The following CERS6 variants were observed in gnomAD, a reference collection of about 807,000 sequenced individuals.
The protein encoded by CERS6 is LAG1 homolog, ceramide synthase 6.
A neutral mutation model predicts 56.8 loss-of-function variants in CERS6; 26 were observed. The observed-to-expected ratio is 0.46, with a 90% CI of 0.34 to 0.63. The LOEUF (loss-of-function observed/expected upper bound fraction) is 0.63. Among genes scored for constraint, CERS6 ranks in the 30% least tolerant of loss-of-function variants. The probability of loss-of-function intolerance (pLI) is 0.01; values close to 1 mark genes in which losing one functional copy is unlikely to be tolerated. For missense variants in CERS6, 415 were observed against 467.5 expected (o/e 0.89, Z 1.04); for synonymous variants, 164 against 173.3 (o/e 0.95, Z 0.42).
intron 3 of CERS6, among the ~76,000 whole-genome samples, chr2:168,624,987 C>T (rs1684558585): frequency 6.6e-6 from 1 of 152,038 alleles, no homozygotes; most frequent in Non-Finnish European, 1.5e-5. Context: ...TGTATAATTT[C>T]ACTTCATTTG....
chr2:168,522,597 A>G (rs1428645454), intron 1 of CERS6, among the ~76,000 whole-genome samples: 2 of 152,056 alleles, frequency 1.3e-5, no homozygotes, highest in South Asian at 2.1e-4. Context: ...CAGTGGTACA[A>G]TCATGGCTCA....
chr2:168,597,574 A>G (rs1251038406), intron 3 of CERS6, among the ~76,000 whole-genome samples: 3 of 152,136 alleles, frequency 2.0e-5, no homozygotes, highest in East Asian at 1.9e-4. Flanking sequence ...ACTTTTTTCA[A>G]TTCCCAGATA....
At chr2:168,573,986 A>G (rs1216945931) in intron 3 of CERS6, among the ~76,000 whole-genome samples, 2 of 152,174 alleles carry the variant, frequency 1.3e-5, no homozygotes, top group African/African-American at 4.8e-5. Context: ...GTCCAAACAG[A>G]TCTCCAGAAG....
chr2:168,460,127 A>T (rs142308034), intron 1 of CERS6, among the ~76,000 whole-genome samples: 195 of 151,750 alleles, frequency 1.3e-3, no homozygotes, highest in African/African-American at 4.4e-3. Flanking sequence ...ATTCCTGTGG[A>T]TCATCTGTGC....
intron 2 of CERS6, among the ~76,000 whole-genome samples, chr2:168,551,511 C>A (rs186902524): frequency 4.6e-5 from 7 of 152,164 alleles, no homozygotes; most frequent in African/African-American, 1.7e-4. Flanking sequence ...CTTTGAATAA[C>A]CGTCTCACAG....
At chr2:168,671,936 A>G (rs1032367464) in intron 4 of CERS6, among the ~76,000 whole-genome samples, 16 of 152,220 alleles carry the variant, frequency 1.1e-4, no homozygotes, top group African/African-American at 3.9e-4. Flanking sequence ...TTGAAGGTCT[A>G]AAATAGCATT....
At chr2:168,563,899 T>C (rs1442215115) in intron 3 of CERS6, among the ~76,000 whole-genome samples, 2 of 152,172 alleles carry the variant, frequency 1.3e-5, no homozygotes, top group Non-Finnish European at 2.9e-5. Context: ...CACGGGGGGT[T>C]TGCTGGGATT....
At chr2:168,467,770 T>C (rs1270258671) in intron 1 of CERS6, among the ~76,000 whole-genome samples, 2 of 152,236 alleles carry the variant, frequency 1.3e-5, no homozygotes, top group Non-Finnish European at 2.9e-5. Context: ...ATACACGTTG[T>C]GTAGAAAATA....
intron 4 of CERS6, among the ~76,000 whole-genome samples, chr2:168,689,996 C>T (rs183285084): frequency 2.0e-4 from 30 of 152,144 alleles, no homozygotes; most frequent in African/African-American, 5.8e-4. Context: ...TTCACAGACT[C>T]GGGGCCTCCA....
At chr2:168,525,970 T>G (rs1268511744) in intron 1 of CERS6, among the ~76,000 whole-genome samples, 1 of 152,218 alleles carries the variant, frequency 6.6e-6, no homozygotes, top group Non-Finnish European at 1.5e-5. Context: ...TAAATGCTCC[T>G]ATCAAAGAAT....
At chr2:168,761,713 A>G (rs563553163) in intron 8 of CERS6, among the ~76,000 whole-genome samples, 7 of 152,276 alleles carry the variant, frequency 4.6e-5, no homozygotes, top group African/African-American at 1.4e-4. Context: ...CTGGAGATAG[A>G]AAAGTGTAAG....
intron 8 of CERS6, among the ~76,000 whole-genome samples, chr2:168,746,775 G>GTA (rs71003053): frequency 0.044 from 1,680 of 38,594 alleles, 104 homozygotes; most frequent in Non-Finnish European, 0.051. Flanking sequence ...AGGGTAAAGG[G>GTA]TATATATATA....
chr2:168,656,632 C>T (rs1251774027), intron 4 of CERS6, among the ~76,000 whole-genome samples: 6 of 152,082 alleles, frequency 3.9e-5, no homozygotes, highest in East Asian at 3.9e-4. Flanking sequence ...TGCAGATCTT[C>T]GCGGTGAGTG....
chr2:168,621,697 G>C (rs1684474497), intron 3 of CERS6, among the ~76,000 whole-genome samples: 1 of 152,086 alleles, frequency 6.6e-6, no homozygotes, highest in Non-Finnish European at 1.5e-5. Context: ...TCCCAATAAA[G>C]AACAATATGG....
chr2:168,598,533 T>G (rs1683856120), intron 3 of CERS6, among the ~76,000 whole-genome samples: 1 of 152,102 alleles, frequency 6.6e-6, no homozygotes, highest in Admixed American at 6.6e-5. Context: ...GAAATTTAAA[T>G]AGCCTAATGA....
intron 4 of CERS6, among the ~76,000 whole-genome samples, chr2:168,656,816 T>C (rs952869572): frequency 2.0e-5 from 3 of 152,170 alleles, no homozygotes; most frequent in Non-Finnish European, 4.4e-5. Flanking sequence ...TCCTGCTGAT[T>C]GGTAGAGCCT....
chr2:168,609,332 T>C (rs1320520603), intron 3 of CERS6, among the ~76,000 whole-genome samples: 2 of 152,252 alleles, frequency 1.3e-5, no homozygotes, highest in Admixed American at 6.5e-5. Flanking sequence ...AAAAATCTTA[T>C]GATGAAATCT....
intron 1 of CERS6, among the ~76,000 whole-genome samples, chr2:168,498,674 C>A (rs1023827190): frequency 3.9e-5 from 6 of 152,190 alleles, no homozygotes; most frequent in Admixed American, 3.9e-4. Context: ...GACACAATAG[C>A]CGTTTGTGTG....
chr2:168,632,894 C>T (rs1684779446), intron 4 of CERS6, among the ~76,000 whole-genome samples: 1 of 152,044 alleles, frequency 6.6e-6, no homozygotes. Context: ...TTCCTTTAGG[C>T]CTGCTGGATA....
Sources: allele counts gnomAD v4.1 joint callset (sites outside exome capture counted in the v4.1 genomes callset), GRCh38; gene constraint gnomAD v4.1.1; transcripts MANE v1.5; gene names NCBI Gene and HGNC (gene_info 2026-07-23, HGNC 2026-07-21).